PDGFD: variants seen among roughly 807,000 people sequenced by gnomAD.
The protein encoded by PDGFD is platelet-derived growth factor D.
Under a neutral mutation model 44.7 loss-of-function variants are expected in PDGFD, and 30 were observed. The observed-to-expected ratio is 0.67, with a 90% CI of 0.50 to 0.91. The LOEUF (loss-of-function observed/expected upper bound fraction) is 0.91. Among genes scored for constraint, PDGFD ranks in the 40% least tolerant of loss-of-function variants. The pLI is 0.00. For missense variants in PDGFD, 445 were observed against 457.8 expected (o/e 0.97, Z 0.25); for synonymous variants, 173 against 168.4 (o/e 1.03, Z -0.21).
chr11:104,070,646 A>G (rs546461563), intron 1 of PDGFD, among the ~76,000 whole-genome samples: 2 of 152,278 alleles, frequency 1.3e-5, no homozygotes, highest in East Asian at 3.9e-4. Flanking sequence ...AATATGACAG[A>G]TACTCTTTTG....
rs777365605 is a variant in PDGFD, at chr11:103,996,202, T to C, written c.373A>G (p.Ile125Val). The change falls in exon 3 of 7, where the codon ATT becomes GTT. Residue 125 changes from isoleucine to valine, a missense_variant. Transcript: ENST00000393158. Reference protein sequence around the residue: ...EVEDISETSTIIRGRWCGHKE... With the variant: ...EVEDISETSTVIRGRWCGHKE... ...TGTCCACACCATCGTCCTCTAATAA[T>C]GGTACTGGTTTCGGATATATCTTCA... is the stretch of plus-strand genomic sequence containing the variant. 3.1e-6 allele frequency: 5 copies of C among 1,613,178 alleles called. No individual in the cohort carries two copies. Among genetic ancestry groups the C allele is most frequent in the African/African-American group, 2.7e-5 (2 of 75,018 alleles).
rs58684985 is a variant in PDGFD, at chr11:104,103,462, GTATATATATATA to G, written c.124+60330_124+60341del. On this transcript the variant is annotated intron_variant, in intron 1 of 6. Coordinates refer to ENST00000393158, the MANE Select transcript of PDGFD (RefSeq NM_025208.5). ...AACAGACAATTATGTGTGTGTGTGT[GTATATATATATA>G]TATATATATATATATATATATGAAT... Among the ~76,000 whole-genome samples, 981 of 133,258 alleles carry G rather than the reference GTATATATATATA, an allele frequency of 7.4e-3. 14 individuals carry two copies. The highest frequency in any genetic ancestry group is 7.0e-3 in the Non-Finnish European group (441 of 62,920). 87.4% of individuals were successfully genotyped at this position (133,258 alleles called of 152,430 possible).
chr11:103,947,459 T>C (rs943587801), intron 4 of PDGFD, among the ~76,000 whole-genome samples: 1 of 152,184 alleles, frequency 6.6e-6, no homozygotes, highest in African/African-American at 2.4e-5. Flanking sequence ...ATACTGGCAG[T>C]TCCTGGAAAC....
chr11:103,950,002 G>A (rs142390282), intron 3 of PDGFD, among the ~76,000 whole-genome samples: 19 of 152,288 alleles, frequency 1.2e-4, no homozygotes, highest in African/African-American at 3.6e-4. Context: ...GGCATAGTGC[G>A]TTTGAGAAGC....
intron 6 of PDGFD, among the ~76,000 whole-genome samples, chr11:103,911,009 C>T (rs565902206): frequency 2.2e-4 from 33 of 152,332 alleles, no homozygotes; most frequent in Middle Eastern, 3.4e-3. Flanking sequence ...TCAGCAAGGC[C>T]GCTGTGGCCA....
chr11:104,006,175 T>C (rs1859698905), intron 1 of PDGFD, among the ~76,000 whole-genome samples: 1 of 152,156 alleles, frequency 6.6e-6, no homozygotes, highest in Admixed American at 6.5e-5. Context: ...GCATCATTAT[T>C]AACATCACCT....
At chr11:103,984,680 A>G (rs888717753) in intron 3 of PDGFD, among the ~76,000 whole-genome samples, 3 of 151,212 alleles carry the variant, frequency 2.0e-5, no homozygotes, top group African/African-American at 7.3e-5. Flanking sequence ...GTATAGATGT[A>G]CTTTATTCCT....
chr11:103,967,142 T>C (rs1478340376), intron 3 of PDGFD, among the ~76,000 whole-genome samples: 1 of 152,232 alleles, frequency 6.6e-6, no homozygotes, highest in Non-Finnish European at 1.5e-5. Context: ...AAAGATATTG[T>C]AGGCATATAA....
In PDGFD at chr11:103,908,248, T is replaced by C. The variant is rs967653398; in HGVS notation, c.*1446A>G. The C allele has an allele frequency of 6.6e-6, 1 of 152,214 alleles. No individual in the cohort carries two copies. The highest frequency in any genetic ancestry group is 6.5e-5 in the Admixed American group (1 of 15,284). 9.4% of individuals were successfully genotyped at this position (152,214 alleles called of 1,614,324 possible). ...CTCTTAAGCCTCTTGCTTTGGAGGA[T>C]GATGAATCATTTCCTACTCCTGGAG... On this transcript the variant is annotated 3_prime_UTR_variant, in exon 7 of 7. Transcript: ENST00000393158.
intron 1 of PDGFD, among the ~76,000 whole-genome samples, chr11:104,021,634 C>A (rs971230416): frequency 5.3e-5 from 8 of 152,290 alleles, no homozygotes; most frequent in African/African-American, 1.9e-4. Context: ...CGATATCCAA[C>A]CTGACTCTGG....
At chr11:103,930,137 T>A (rs760680799) in intron 5 of PDGFD, among the ~76,000 whole-genome samples, 30 of 152,192 alleles carry the variant, frequency 2.0e-4, no homozygotes, top group Non-Finnish European at 3.8e-4. Context: ...TCAATTAAGT[T>A]TTTTGGGCCT....
intron 1 of PDGFD, chr11:104,036,937 A>G: frequency 1.2e-6 from 2 of 1,614,214 alleles, no homozygotes; most frequent in Non-Finnish European, 1.7e-6. Context: ...AGCGGAGTCC[A>G]GAGTCCCCGT....
intron 1 of PDGFD, among the ~76,000 whole-genome samples, chr11:104,039,703 AG>A (rs1860316320): frequency 6.7e-6 from 1 of 148,844 alleles, no homozygotes; most frequent in Non-Finnish European, 1.5e-5. Flanking sequence ...AAAGACATTC[AG>A]AGTAAAGTCA....
At chr11:104,027,879 A>G (rs1381890602) in intron 1 of PDGFD, among the ~76,000 whole-genome samples, 1 of 152,152 alleles carries the variant, frequency 6.6e-6, no homozygotes, top group Non-Finnish European at 1.5e-5. Flanking sequence ...AAGAAGTTAT[A>G]GCTTAGAGCC....
chr11:104,016,870 T>C (rs1859865708), intron 1 of PDGFD, among the ~76,000 whole-genome samples: 1 of 152,232 alleles, frequency 6.6e-6, no homozygotes, highest in Non-Finnish European at 1.5e-5. Context: ...TGTAGCACTA[T>C]TTAAGAAATG....
chr11:104,130,830 T>C (rs951020444), intron 1 of PDGFD, among the ~76,000 whole-genome samples: 3 of 152,180 alleles, frequency 2.0e-5, no homozygotes, highest in Non-Finnish European at 4.4e-5. Context: ...TTACAGACCT[T>C]CTAACCTTCT....
At chr11:103,938,183 G>A (rs991348960) in intron 5 of PDGFD, among the ~76,000 whole-genome samples, 4 of 152,034 alleles carry the variant, frequency 2.6e-5, no homozygotes, top group African/African-American at 7.2e-5. Flanking sequence ...GTGTAAAAGT[G>A]TTCCTATTTC....
In PDGFD at chr11:104,114,913, C is replaced by T. The variant is rs1314378279; in HGVS notation, c.124+48891G>A. On this transcript the variant is annotated intron_variant, in intron 1 of 6. Coordinates refer to ENST00000393158, the MANE Select transcript of PDGFD (RefSeq NM_025208.5). ...TTTGTTTTTTCAAATTTTTTATTTCCATAGGTTGTTGGGGAATAGGTGGTG... is the reference window on the plus strand; with the variant it reads ...TTTGTTTTTTCAAATTTTTTATTTCTATAGGTTGTTGGGGAATAGGTGGTG... Among the ~76,000 whole-genome samples the T allele has an allele frequency of 2.0e-5, 3 of 150,368 alleles. 1 individual carries two copies. Among genetic ancestry groups the T allele is most frequent in the Admixed American group, 1.3e-4 (2 of 15,028 alleles).
chr11:104,027,775 T>C (rs980064800), intron 1 of PDGFD, among the ~76,000 whole-genome samples: 3 of 152,212 alleles, frequency 2.0e-5, no homozygotes, highest in Non-Finnish European at 4.4e-5. Context: ...TTTTGATAGT[T>C]TTTTGCAGAT....
Sources: allele counts gnomAD v4.1 joint callset (sites outside exome capture counted in the v4.1 genomes callset), GRCh38; gene constraint gnomAD v4.1.1; transcripts MANE v1.5; gene names NCBI Gene and HGNC (gene_info 2026-07-23, HGNC 2026-07-21).